Variants in ZNG1F observed in about 807,000 individuals in gnomAD.
ZNG1F encodes the protein Zn regulated GTPase metalloprotein activator 1F, also known as zinc-regulated GTPase metalloprotein activator 1F.
chr9:41,173,916 A>T, the ZNG1F span, among the ~76,000 whole-genome samples: 1 of 148,614 alleles, frequency 6.7e-6, no homozygotes, highest in African/African-American at 2.5e-5. Context: ...CTCAACCATA[A>T]AGATTTTACT....
the ZNG1F span, among the ~76,000 whole-genome samples, chr9:41,142,675 A>AAAAT: frequency 2.1e-5 from 1 of 48,470 alleles, no homozygotes. Flanking sequence ...AAAAAAAAAA[A>AAAAT]TACAAAAATT....
At chr9:41,134,287 AG>A in the ZNG1F span, among the ~76,000 whole-genome samples, 1 of 130,400 alleles carries the variant, frequency 7.7e-6, no homozygotes, top group Non-Finnish European at 1.7e-5. Context: ...TACAAAAGAA[AG>A]GCTTGGCTTA....
At chr9:41,149,916 C>T in the ZNG1F span, among the ~76,000 whole-genome samples, 2 of 150,326 alleles carry the variant, frequency 1.3e-5, no homozygotes, top group South Asian at 2.2e-4. Flanking sequence ...AGATTCCCCA[C>T]AGGAGAAGGC....
At chr9:41,171,883 G>A in the ZNG1F span, 261 of 173,298 alleles carry the variant, frequency 1.5e-3, no homozygotes, top group South Asian at 2.3e-3. Flanking sequence ...GATTGGGAAC[G>A]GGTCAGTGGG....
chr9:41,156,112 T>A, the ZNG1F span, among the ~76,000 whole-genome samples: 1 of 130,924 alleles, frequency 7.6e-6, no homozygotes, highest in Non-Finnish European at 1.6e-5. Flanking sequence ...ATAGAAAGAG[T>A]ATTAGACATA....
At chr9:41,202,530 T>C in the ZNG1F span, among the ~76,000 whole-genome samples, 1 of 56,412 alleles carries the variant, frequency 1.8e-5, no homozygotes, top group Middle Eastern at 5.7e-3. Context: ...TTTTTATTAC[T>C]TCATGTAAGA....
At chr9:41,166,392 G>T in the ZNG1F span, among the ~76,000 whole-genome samples, 2 of 111,620 alleles carry the variant, frequency 1.8e-5, no homozygotes, top group Admixed American at 9.9e-5. Context: ...CTTCAGCCTG[G>T]GTGACAGAGT....
chr9:41,145,498 G>A, the ZNG1F span: 168 of 562,858 alleles, frequency 3.0e-4, 8 homozygotes, highest in South Asian at 3.0e-3. Context: ...GAGAAAAGCT[G>A]GCAGATTAAG....
At chr9:41,175,461 T>C in the ZNG1F span, among the ~76,000 whole-genome samples, 1 of 147,472 alleles carries the variant, frequency 6.8e-6, no homozygotes, top group African/African-American at 2.6e-5. Context: ...AACAACTGAA[T>C]TGCCAATAAG....
the ZNG1F span, chr9:41,132,566 A>G: frequency 1.5e-6 from 2 of 1,368,800 alleles, no homozygotes; most frequent in Non-Finnish European, 1.9e-6. Flanking sequence ...CTGTGTATTG[A>G]TTTTTTTTTT....
At chr9:41,155,200 G>A in the ZNG1F span, among the ~76,000 whole-genome samples, 23,220 of 149,604 alleles carry the variant, frequency 0.16, 968 homozygotes, top group African/African-American at 0.25. Flanking sequence ...CGAAGGACAT[G>A]AACAGACACT....
chr9:41,155,226 T>G, the ZNG1F span, among the ~76,000 whole-genome samples: 12 of 150,990 alleles, frequency 7.9e-5, 1 homozygote, highest in African/African-American at 2.9e-4. Flanking sequence ...AAAGAAGACA[T>G]TTATGCCACC....
chr9:41,195,693 A>G, the ZNG1F span, among the ~76,000 whole-genome samples: 79 of 105,908 alleles, frequency 7.5e-4, no homozygotes, highest in Non-Finnish European at 1.3e-3. Context: ...TTTAGATACT[A>G]TAGGAGTGGT....
At chr9:41,132,608 T>C in the ZNG1F span, 1 of 1,218,266 alleles carries the variant, frequency 8.2e-7, no homozygotes, top group East Asian at 3.6e-5. Flanking sequence ...ATAAAGTTAA[T>C]ACATATATTA....
the ZNG1F span, chr9:41,183,762 G>A: frequency 5.7e-6 from 9 of 1,577,166 alleles, no homozygotes; most frequent in Admixed American, 3.7e-5. Context: ...AGATCTTAAA[G>A]CAGAAACTTA....
At chr9:41,166,438 T>A in the ZNG1F span, among the ~76,000 whole-genome samples, 14 of 33,098 alleles carry the variant, frequency 4.2e-4, no homozygotes, top group South Asian at 2.8e-3. Context: ...TAATAATTAT[T>A]ATTATACATA....
At chr9:41,192,494 A>T in the ZNG1F span, among the ~76,000 whole-genome samples, 1 of 31,134 alleles carries the variant, frequency 3.2e-5, no homozygotes, top group African/African-American at 6.5e-5. Context: ...TTTCTTTTTG[A>T]GATGGAGTCT....
the ZNG1F span, among the ~76,000 whole-genome samples, chr9:41,204,778 A>G: frequency 1.0e-4 from 4 of 38,174 alleles, no homozygotes; most frequent in African/African-American, 2.2e-4. Context: ...TTTCTTTTTC[A>G]TTATCATGAC....
At chr9:41,139,026 T>C in the ZNG1F span, among the ~76,000 whole-genome samples, 1 of 118,900 alleles carries the variant, frequency 8.4e-6, no homozygotes, top group Admixed American at 9.0e-5. Context: ...GCTAGTGTGA[T>C]TTTTTGGGGG....
Sources: gnomAD v4.1 joint callset for allele counts (sites outside exome capture counted in the v4.1 genomes callset) on GRCh38, gnomAD v4.1.1 for gene constraint, MANE v1.5 for transcripts, NCBI Gene and HGNC (gene_info 2026-07-23, HGNC 2026-07-21) for gene names.